The following SEC61A2 variants were observed in gnomAD, a reference collection of about 807,000 sequenced individuals.
The protein encoded by SEC61A2 is protein transport protein Sec61 subunit alpha isoform 2.
Under a neutral mutation model 59.9 loss-of-function variants are expected in SEC61A2, and 28 were observed. The observed-to-expected ratio is 0.47, with a 90% CI of 0.35 to 0.64. The LOEUF (loss-of-function observed/expected upper bound fraction) is 0.64, where lower values mean the gene tolerates loss of function less well. SEC61A2 is among the 30% of genes least tolerant of loss of function. The pLI, the probability that SEC61A2 is intolerant of heterozygous loss-of-function variation, is 0.01. For missense variants in SEC61A2, 340 were observed against 585.9 expected, an observed-to-expected ratio of 0.58 and a Z score of 4.33; for synonymous variants, 202 against 214.4, an observed-to-expected ratio of 0.94 and a Z score of 0.50.
intron 4 of SEC61A2, among the ~76,000 whole-genome samples, chr10:12,148,732 C>T (rs1014152123): frequency 1.3e-5 from 2 of 151,464 alleles, no homozygotes; most frequent in Non-Finnish European, 2.9e-5. Flanking sequence ...TAGAGACGGC[C>T]AGGATGGTCT....
At chr10:12,134,114 C>T (rs1260304061) in intron 2 of SEC61A2, among the ~76,000 whole-genome samples, 1 of 152,246 alleles carries the variant, frequency 6.6e-6, no homozygotes, top group Admixed American at 6.5e-5. Flanking sequence ...TCACGCCATT[C>T]TCCTGCCTCA....
chr10:12,129,715 G>A lies in SEC61A2; in HGVS notation c.-73G>A. The A allele has an allele frequency of 7.0e-7, 1 of 1,429,126 alleles. No homozygotes were observed. The highest frequency in any genetic ancestry group is 9.3e-7 in the Non-Finnish European group (1 of 1,075,096). The allele number at this position is 1,429,126 out of a possible 1,614,324, so 88.5% of individuals were successfully genotyped here. On this transcript the variant is annotated 5_prime_UTR_variant, in exon 1 of 12. Transcript: ENST00000298428. The surrounding 1 kb of genome is among the most constrained non-coding windows in gnomAD (Gnocchi z 5.6). ...GATCGCGTCGGGAGCCGGTACCGAG[G>A]CCCGAGCCGCGGGAGTCGAGCGAAG...
At chr10:12,163,091 G>A (rs2131683861) in intron 11 of SEC61A2, among the ~76,000 whole-genome samples, 1 of 152,196 alleles carries the variant, frequency 6.6e-6, no homozygotes, top group South Asian at 2.1e-4. Flanking sequence ...TGTCTTCCAG[G>A]TTGGCTGCTG....
At position 12,130,341 on chromosome 10, in the gene SEC61A2, T is replaced by C. The variant is rs77914004; in HGVS notation, c.7+547T>C. 9.9e-3 allele frequency among the ~76,000 whole-genome samples: 1,503 copies of C among 152,266 alleles called. 25 individuals are homozygous for C. Among genetic ancestry groups the C allele is most frequent in the African/African-American group, 0.034 (1,429 of 41,542 alleles). On this transcript the variant is annotated intron_variant, in intron 1 of 11. Transcript: ENST00000298428. ...GCCTTAGGGACAAGGCCTTATGTTA[T>C]AGGAATGTTTTTCAGGGCCCTCCCC...
Position 12,158,111 on chromosome 10 carries a change from T to C in SEC61A2, c.975+6T>C. On this transcript the variant is annotated splice_donor_region_variant and intron_variant, in intron 9 of 11. Transcript: ENST00000298428. This position sits in a 1 kb window ranked among gnomAD's most constrained non-coding sequence, Gnocchi z 5.7. The stretch of plus-strand genomic sequence containing the variant: ...ATTTACTAGGACAGTGGGCCGTGAG[T>C]ATTATGTTTATTTACATTATTTATA... 6.3e-7 allele frequency: 1 copy of C among 1,593,340 alleles called. No individual in the cohort carries two copies. Among genetic ancestry groups the C allele is most frequent in the South Asian group, 1.1e-5 (1 of 90,496 alleles).
chr10:12,156,161 CA>C lies in SEC61A2; in HGVS notation c.616+233del. Among the ~76,000 whole-genome samples, 1 of 152,310 alleles carries C rather than the reference CA, an allele frequency of 6.6e-6. No homozygotes were observed. Among genetic ancestry groups the C allele is most frequent in the South Asian group, 2.1e-4 (1 of 4,826 alleles). On this transcript the variant is annotated intron_variant, in intron 7 of 11. Transcript: ENST00000298428. This position sits in a 1 kb window ranked among gnomAD's most constrained non-coding sequence, Gnocchi z 5.2. The stretch of plus-strand genomic sequence containing the variant: ...TGCTTATTTAAAATTTCAGTGGTTG[CA>C]AACAGATTTTCAAAATTTCTTTTGT...
chr10:12,161,183 A>T lies in SEC61A2; in HGVS notation c.1167+62A>T. On this transcript the variant is annotated intron_variant, in intron 10 of 11. Coordinates refer to ENST00000298428, the MANE Select transcript of SEC61A2 (RefSeq NM_018144.4). The surrounding 1 kb of genome is among the most constrained non-coding windows in gnomAD (Gnocchi z 5.4). Reference sequence around the variant, plus strand: ...CAATGCATGGTGGCGCACATCTGTAATCGTAGCACTTTGGCAGGCTGAGGC... The same window carrying T: ...CAATGCATGGTGGCGCACATCTGTATTCGTAGCACTTTGGCAGGCTGAGGC... 1 of 1,387,964 alleles carries T rather than the reference A, an allele frequency of 7.2e-7. No homozygotes were observed. The highest frequency in any genetic ancestry group is 9.9e-7 in the Non-Finnish European group (1 of 1,012,250). The allele number at this position is 1,387,964 out of a possible 1,614,324, so 86.0% of individuals were successfully genotyped here.
At chr10:12,167,902 A>G (rs920063502), downstream of SEC61A2, 11 of 1,559,752 alleles carry the variant, frequency 7.1e-6, no homozygotes, top group Admixed American at 8.1e-5. Context: ...AGGTACTACT[A>G]TATGTCACTT....
downstream of SEC61A2, among the ~76,000 whole-genome samples, chr10:12,168,763 A>T (rs1426879939): frequency 1.3e-5 from 2 of 149,514 alleles, no homozygotes; most frequent in Admixed American, 6.7e-5. The surrounding 1 kb of genome is among the most constrained non-coding windows in gnomAD (Gnocchi z 4.8). Context: ...TCTTTTTTTA[A>T]TTTTTTTTTT....
At position 12,145,978 on chromosome 10, in the gene SEC61A2, C is replaced by G. The variant is rs1834128279; in HGVS notation, c.220+2783C>G. ...AGCAGCAGGGATTGGTGAACATTTT[C>G]CATTCTCTGTGCGATTCAGCTCCAC... On this transcript the variant is annotated intron_variant, in intron 4 of 11. Coordinates refer to ENST00000298428, the MANE Select transcript of SEC61A2 (RefSeq NM_018144.4). The surrounding 1 kb of genome is among the most constrained non-coding windows in gnomAD (Gnocchi z 4.4). Among the ~76,000 whole-genome samples the G allele has an allele frequency of 6.6e-6, 1 of 152,144 alleles. No homozygotes were observed. Among genetic ancestry groups the G allele is most frequent in the Non-Finnish European group, 1.5e-5 (1 of 68,026 alleles).
intron 6 of SEC61A2, among the ~76,000 whole-genome samples, chr10:12,151,780 G>A (rs897685123): frequency 2.6e-5 from 4 of 152,004 alleles, no homozygotes; most frequent in East Asian, 3.9e-4. Flanking sequence ...TTTTGAGACG[G>A]AGTTTCACTC....
At chr10:12,131,366 T>G (rs1833733957) in intron 1 of SEC61A2, among the ~76,000 whole-genome samples, 1 of 152,186 alleles carries the variant, frequency 6.6e-6, no homozygotes, top group Non-Finnish European at 1.5e-5. Context: ...AATACCTAGC[T>G]GCGGCTTGTC....
At chr10:12,167,324 A>AT, downstream of SEC61A2, 1 of 177,096 alleles carries the variant, frequency 5.6e-6, no homozygotes, top group Admixed American at 5.5e-5. Flanking sequence ...CCAGCTTAGA[A>AT]TTTTATATTG....
At chr10:12,141,017 C>G (rs148232431) in intron 3 of SEC61A2, among the ~76,000 whole-genome samples, 1,651 of 151,932 alleles carry the variant, frequency 0.011, 31 homozygotes, top group African/African-American at 0.038. Flanking sequence ...CTCCTACCTC[C>G]GCCTCCTGAG....
At chr10:12,137,379 C>T (rs1453299346) in intron 3 of SEC61A2, among the ~76,000 whole-genome samples, 1 of 152,058 alleles carries the variant, frequency 6.6e-6, no homozygotes, top group Non-Finnish European at 1.5e-5. Flanking sequence ...GCAGTGATCA[C>T]TTCAGCCTTG....
At position 12,155,728 on chromosome 10, in the gene SEC61A2, T is replaced by G. The variant is rs985039016; in HGVS notation, c.463-50T>G. 10 of 1,609,054 alleles carry G rather than the reference T, an allele frequency of 6.2e-6. No homozygotes were observed. The highest frequency in any genetic ancestry group is 1.3e-5 in the African/African-American group (1 of 74,820). ...ATAGCCAATGGTGTTCCTCTCCCCC[T>G]TTCTTGAGTTTGTTCTTGCTTCCGC... is the stretch of plus-strand genomic sequence containing the variant. On this transcript the variant is annotated intron_variant, in intron 6 of 11. Coordinates refer to ENST00000298428, the MANE Select transcript of SEC61A2 (RefSeq NM_018144.4). This position sits in a 1 kb window ranked among gnomAD's most constrained non-coding sequence, Gnocchi z 4.3.
At position 12,160,592 on chromosome 10, in the gene SEC61A2, C is replaced by T. The variant is rs769831923; in HGVS notation, c.976-338C>T. 2.0e-5 allele frequency among the ~76,000 whole-genome samples: 3 copies of T among 152,182 alleles called. No individual in the cohort carries two copies. Among genetic ancestry groups the T allele is most frequent in the Non-Finnish European group, 4.4e-5 (3 of 68,034 alleles). On this transcript the variant is annotated intron_variant, in intron 9 of 11. Transcript: ENST00000298428. The surrounding 1 kb of genome is among the most constrained non-coding windows in gnomAD (Gnocchi z 4.1). Reference sequence around the variant, plus strand: ...TCTTAATGTACTGACTGGATACTCTCATAGCTCAGAAAATTTCAGATTTTA... The same window carrying T: ...TCTTAATGTACTGACTGGATACTCTTATAGCTCAGAAAATTTCAGATTTTA...
intron 2 of SEC61A2, among the ~76,000 whole-genome samples, 181 bp downstream of exon 2, chr10:12,133,489 G>A (rs1833811607): frequency 6.6e-6 from 1 of 152,186 alleles, no homozygotes; most frequent in African/African-American, 2.4e-5. Flanking sequence ...AATCTAGATA[G>A]GTTAACTCAT....
intron 6 of SEC61A2, 92 bp downstream of exon 6, chr10:12,150,053 T>C (rs906682384): frequency 1.2e-6 from 1 of 809,406 alleles, no homozygotes; most frequent in Non-Finnish European, 2.0e-6. Context: ...GGCTTATTCA[T>C]TTTCTTACTT....
Sources: gnomAD v4.1 joint callset for allele counts (sites outside exome capture counted in the v4.1 genomes callset) on GRCh38, gnomAD v4.1.1 for gene constraint, Gnocchi (gnomAD v3.1) non-coding constraint, MANE v1.5 for transcripts, NCBI Gene and HGNC (gene_info 2026-07-23, HGNC 2026-07-21) for gene names.